STKLD1: variants seen among roughly 807,000 people sequenced by gnomAD.
STKLD1 encodes serine/threonine kinase-like domain-containing protein STKLD1.
STKLD1 carries 79 observed loss-of-function variants against 80.4 expected under a neutral mutation model. The observed-to-expected ratio is 0.98, with a 90% CI of 0.82 to 1.19. The LOEUF is 1.19. Among genes scored for constraint, STKLD1 ranks in the 50% most tolerant of loss-of-function variants. STKLD1 has a pLI of 0.00. For synonymous variants in STKLD1, 393 were observed against 357.6 expected, an observed-to-expected ratio of 1.10 and a Z score of -1.12; for missense variants, 841 against 856.0, an observed-to-expected ratio of 0.98 and a Z score of 0.22.
intron 11 of STKLD1, among the ~76,000 whole-genome samples, chr9:133,399,906 C>T (rs587672757): frequency 6.7e-6 from 1 of 150,170 alleles, no homozygotes; most frequent in East Asian, 2.0e-4. Flanking sequence ...AGGGGGGGGT[C>T]TTGCTTCGCT....
chr9:133,380,518 G>A (rs2130263729), intron 2 of STKLD1, among the ~76,000 whole-genome samples: 1 of 152,154 alleles, frequency 6.6e-6, no homozygotes, highest in African/African-American at 2.4e-5. Context: ...GCTGAGCATG[G>A]TGGTGGGTGC....
chr9:133,383,863 G>A lies in STKLD1; in HGVS notation c.182G>A (p.Cys61Tyr), dbSNP rs1401187771. 3 of 1,613,874 alleles carry A rather than the reference G, an allele frequency of 1.9e-6. No homozygotes were observed. Among genetic ancestry groups the A allele is most frequent in the Non-Finnish European group, 2.5e-6 (3 of 1,179,952 alleles). The change falls in exon 3 of 18, where the codon TGC (cysteine) becomes TAC (tyrosine). Residue 61 changes from cysteine to tyrosine, a missense_variant. Cys to Tyr is a radical substitution (Grantham distance 194). Transcript: ENST00000371957. ...KVKHVIKQVECMDDHYASQAL... is the reference protein window; with the variant it reads ...KVKHVIKQVEYMDDHYASQAL... ...GCTCTTGTGCCCTTGCAGGTGGAAT[G>A]CATGGATGACCATTACGCCAGTCAG...
Position 133,394,147 on chromosome 9 carries a change from G to C in STKLD1, c.584-144G>C, listed in dbSNP as rs1838495037. The C allele has an allele frequency of 4.4e-6, 3 of 678,060 alleles. No homozygotes were observed. The highest frequency in any genetic ancestry group is 8.1e-6 in the Non-Finnish European group (3 of 371,854). The allele number at this position is 678,060 out of a possible 1,614,324, so 42.0% of individuals were successfully genotyped here. On this transcript the variant is annotated intron_variant, in intron 7 of 17. Coordinates refer to ENST00000371957, the MANE Select transcript of STKLD1 (RefSeq NM_153710.5). The surrounding 1 kb of genome is among the most constrained non-coding windows in gnomAD (Gnocchi z 4.9). ...ACAGTTAATATTCTCCACCTCTTCT[G>C]AGAAGAGGACCTGCAGGGCTTGTGT... is the stretch of plus-strand genomic sequence containing the variant.
chr9:133,387,588 A>G, intron 5 of STKLD1, 40 bp downstream of exon 5: 2 of 1,509,822 alleles, frequency 1.3e-6, no homozygotes, highest in Non-Finnish European at 1.8e-6. Context: ...GGCCACCTAG[A>G]CCTGTGACAC....
chr9:133,376,563 GC>G lies in STKLD1; in HGVS notation c.87+5del, dbSNP rs2130249483. Reference sequence around the variant, plus strand: ...GAGAGCCCATGGAGAAGTACCAGGTGCCGAGTGTTCCCTGCGGGGAGGCGGG... The same window carrying G: ...GAGAGCCCATGGAGAAGTACCAGGTGCGAGTGTTCCCTGCGGGGAGGCGGG... On this transcript the variant is annotated splice_donor_region_variant and intron_variant, in intron 1 of 17. Transcript: ENST00000371957. 6.3e-7 allele frequency: 1 copy of G among 1,592,050 alleles called. No homozygotes were observed. The highest frequency in any genetic ancestry group is 1.8e-5 in the Admixed American group (1 of 56,264).
intron 15 of STKLD1, 26 bp downstream of exon 15, chr9:133,403,854 C>T: frequency 6.2e-7 from 1 of 1,612,600 alleles, no homozygotes. Flanking sequence ...GCCCTGGGCC[C>T]CTGGGGCTGG....
At chr9:133,397,478 T>C (rs587775268) in intron 10 of STKLD1, among the ~76,000 whole-genome samples, 184 bp downstream of exon 10, 2 of 152,190 alleles carry the variant, frequency 1.3e-5, no homozygotes, top group East Asian at 3.9e-4. Context: ...ACCGCTCTGC[T>C]CAAATATCCT....
intron 15 of STKLD1, 25 bp downstream of exon 15, chr9:133,403,853 C>T: frequency 1.9e-6 from 3 of 1,612,602 alleles, no homozygotes; most frequent in Non-Finnish European, 2.5e-6. Flanking sequence ...CGCCCTGGGC[C>T]CCTGGGGCTG....
chr9:133,405,297 T>C lies in STKLD1; in HGVS notation c.1919T>C (p.Leu640Pro), dbSNP rs587632996. 6 of 1,612,842 alleles carry C rather than the reference T, an allele frequency of 3.7e-6. No individual in the cohort carries two copies. In the South Asian group the frequency reaches 5.5e-5, roughly 15 times the overall value. The change falls in exon 18 of 18, where the codon CTC becomes CCC. Residue 640 changes from leucine (L) to proline (P), a missense_variant. Leu to Pro is a moderately conservative substitution (Grantham distance 98, BLOSUM62 -3). Coordinates refer to ENST00000371957, the MANE Select transcript of STKLD1 (RefSeq NM_153710.5). Reference sequence around the variant, plus strand: ...GTGTCCAGTAGTATGAAGGCCCTGCTCCAGGAGATCAAGGAGCGCTTCACC... The same window carrying C: ...GTGTCCAGTAGTATGAAGGCCCTGCCCCAGGAGATCAAGGAGCGCTTCACC... ...ELVSSSMKAL[L>P]QEIKERFTSS... is the part of the protein sequence containing the mutation.
chr9:133,397,329 G>C, intron 10 of STKLD1, 35 bp downstream of exon 10: 1 of 1,609,608 alleles, frequency 6.2e-7, no homozygotes, highest in Non-Finnish European at 8.5e-7. Flanking sequence ...AGCGTGCCCT[G>C]AAGCTCCTGT....
chr9:133,387,942 A>G (rs1838300947), intron 5 of STKLD1: 1 of 438,156 alleles, frequency 2.3e-6, no homozygotes, highest in African/African-American at 2.0e-5. Context: ...CCAGCAAATC[A>G]TGTGTTCATT....
At position 133,384,786 on chromosome 9, in the gene STKLD1, C is replaced by T. The variant is rs1297052296; in HGVS notation, c.220-831C>T. On this transcript the variant is annotated intron_variant, in intron 3 of 17. Transcript: ENST00000371957. This position sits in a 1 kb window ranked among gnomAD's most constrained non-coding sequence, Gnocchi z 4.3. Reference sequence around the variant, plus strand: ...GAGAGCTGCCCAGCAGTAACATACTCGTTTACAATAATAGCGATAACAGCT... The same window carrying T: ...GAGAGCTGCCCAGCAGTAACATACTTGTTTACAATAATAGCGATAACAGCT... 2 of 152,162 alleles carry T rather than the reference C, an allele frequency of 1.3e-5. No homozygotes were observed. The highest frequency in any genetic ancestry group is 2.9e-5 in the Non-Finnish European group (2 of 68,018). 9.4% of individuals were successfully genotyped at this position (152,162 alleles called of 1,614,324 possible).
intron 2 of STKLD1, among the ~76,000 whole-genome samples, 179 bp from the exon 3 acceptor site, chr9:133,383,677 G>C (rs1838204125): frequency 7.4e-6 from 1 of 134,758 alleles, no homozygotes; most frequent in Non-Finnish European, 1.6e-5. Context: ...GATGGTGATG[G>C]TGATGATGGT....
intron 7 of STKLD1, among the ~76,000 whole-genome samples, chr9:133,391,965 A>T (rs1185219843): frequency 6.6e-6 from 1 of 151,566 alleles, no homozygotes; most frequent in Non-Finnish European, 1.5e-5. Flanking sequence ...GCAAGGGGAG[A>T]CGAGTTCTCG....
chr9:133,377,577 C>T (rs184793628), intron 1 of STKLD1, among the ~76,000 whole-genome samples: 36 of 152,210 alleles, frequency 2.4e-4, no homozygotes, highest in Admixed American at 2.0e-4. Context: ...GCTGGAGAAT[C>T]GCTTGAACCC....
chr9:133,387,837 G>T (rs946966470), intron 5 of STKLD1: 6 of 550,762 alleles, frequency 1.1e-5, no homozygotes, highest in Non-Finnish European at 2.1e-5. Context: ...GGTCCCTGAA[G>T]TTCCTGTAAA....
chr9:133,391,339 C>T (rs1386780269), intron 7 of STKLD1, among the ~76,000 whole-genome samples: 3 of 150,398 alleles, frequency 2.0e-5, no homozygotes, highest in East Asian at 3.9e-4. Flanking sequence ...CCCCTCTGCC[C>T]GGCCGCCACC....
intron 1 of STKLD1, among the ~76,000 whole-genome samples, chr9:133,376,906 G>A (rs1429836937): frequency 6.6e-6 from 1 of 152,168 alleles, no homozygotes; most frequent in Admixed American, 6.5e-5. Flanking sequence ...GGAGCCCCCA[G>A]TCCCCTAAAA....
At chr9:133,399,858 G>A (rs1018039419) in intron 11 of STKLD1, among the ~76,000 whole-genome samples, 1 of 145,832 alleles carries the variant, frequency 6.9e-6, no homozygotes, top group East Asian at 2.1e-4. Flanking sequence ...CGGCCTAGGC[G>A]ACAGAGTGAG....
Sources: gnomAD v4.1 joint callset for allele counts (sites outside exome capture counted in the v4.1 genomes callset) on GRCh38, gnomAD v4.1.1 for gene constraint, Gnocchi (gnomAD v3.1) non-coding constraint, MANE v1.5 for transcripts, NCBI Gene and HGNC (gene_info 2026-07-23, HGNC 2026-07-21) for gene names.